MAP1B: variants seen among roughly 807,000 people sequenced by gnomAD.
MAP1B encodes the protein microtubule-associated protein 1B.
A neutral mutation model predicts 176.1 loss-of-function variants in MAP1B; 12 were observed. The observed-to-expected ratio is 0.07, with a 90% CI of 0.04 to 0.11. The LOEUF (loss-of-function observed/expected upper bound fraction) is 0.11, where lower values mean the gene tolerates loss of function less well. Ranked by LOEUF, MAP1B falls within the 10% of genes least tolerant of loss-of-function variation. The pLI is 1.00. For missense variants in MAP1B, 2,523 were observed against 2,990.5 expected, an observed-to-expected ratio of 0.84 and a Z score of 3.65; for synonymous variants, 1,044 against 1,135.0, an observed-to-expected ratio of 0.92 and a Z score of 1.61.
chr5:72,203,949 A>G (rs553335214), intron 6 of MAP1B, 148 bp downstream of exon 6: 7 of 661,308 alleles, frequency 1.1e-5, no homozygotes, highest in Non-Finnish European at 1.8e-5. Flanking sequence ...AAATATCCTG[A>G]GAACAAAGTC....
Position 72,196,420 on chromosome 5 carries a change from A to C in MAP1B, c.3065A>C (p.Glu1022Ala), listed in dbSNP as rs139433581. The C allele has an allele frequency of 1.9e-5, 30 of 1,613,540 alleles. No individual in the cohort carries two copies. In the African/African-American group the frequency reaches 3.9e-4, roughly 21 times the overall value. Residue 1022 changes from glutamate to alanine, a missense_variant, in exon 5 of 7, where the codon GAG becomes GCG. By Grantham distance (107) the Glu-to-Ala change is moderately radical (BLOSUM62 -1). Around this residue, in one of 4 missense-constraint regions of MAP1B, gnomAD observed 1,925 missense variants for 2,126.0 expected, o/e 0.91. Coordinates refer to ENST00000296755, the MANE Select transcript of MAP1B (RefSeq NM_005909.5). The surrounding 1 kb of genome is among the most constrained non-coding windows in gnomAD (Gnocchi z 5.3). ...GAACAATCTGAAGAGGAGGCTGATG[A>C]GGAGGACAAAGCTGAAGATGCCAGA... The part of the protein sequence containing the change: ...EAEQSEEEAD[E>A]EDKAEDAREE...
chr5:72,203,091 AC>A (rs761694843), intron 5 of MAP1B, among the ~76,000 whole-genome samples: 33 of 152,354 alleles, frequency 2.2e-4, no homozygotes, highest in Non-Finnish European at 4.0e-4. Context: ...CCAGCTGTGG[AC>A]AAAATTGCTA....
At chr5:72,121,223 T>C (rs1031522385) in intron 2 of MAP1B, among the ~76,000 whole-genome samples, 1 of 151,426 alleles carries the variant, frequency 6.6e-6, no homozygotes, top group African/African-American at 2.4e-5. Context: ...AACCCATCCA[T>C]GGTCACTCCC....
intron 2 of MAP1B, among the ~76,000 whole-genome samples, chr5:72,154,302 G>C (rs1746192234): frequency 6.6e-6 from 1 of 152,188 alleles, no homozygotes; most frequent in African/African-American, 2.4e-5. Flanking sequence ...ATGCCACACA[G>C]ACTGAGTGAC....
intron 2 of MAP1B, among the ~76,000 whole-genome samples, chr5:72,181,711 C>A (rs1459091766): frequency 1.4e-5 from 2 of 143,990 alleles, no homozygotes; most frequent in Non-Finnish European, 3.0e-5. Context: ...ATGTGTGCCA[C>A]CACACCCAGC....
intron 1 of MAP1B, among the ~76,000 whole-genome samples, chr5:72,114,285 A>T (rs12660006): frequency 0.15 from 23,483 of 152,192 alleles, 2,389 homozygotes; most frequent in Non-Finnish European, 0.22. Flanking sequence ...TGAATACAAT[A>T]TAACCAAGGG....
intron 1 of MAP1B, among the ~76,000 whole-genome samples, chr5:72,111,727 A>G (rs1322525571): frequency 4.6e-5 from 7 of 152,306 alleles, no homozygotes; most frequent in Middle Eastern, 3.4e-3. Context: ...GCAGTCCCCA[A>G]ATTTAAGGTC....
At chr5:72,171,117 G>A (rs1355329940) in intron 2 of MAP1B, among the ~76,000 whole-genome samples, 2 of 152,200 alleles carry the variant, frequency 1.3e-5, no homozygotes, top group Non-Finnish European at 2.9e-5. Flanking sequence ...AGGGGGAAAA[G>A]ACTGAAGTCT....
intron 2 of MAP1B, among the ~76,000 whole-genome samples, chr5:72,182,015 C>T (rs1434388507): frequency 2.7e-5 from 4 of 145,496 alleles, no homozygotes; most frequent in Non-Finnish European, 4.5e-5. Context: ...TGAGCCACCG[C>T]ACCTGGCCTT....
Position 72,197,426 on chromosome 5 carries a change from A to G in MAP1B, c.4071A>G (p.Pro1357=), listed in dbSNP as rs1747207782. 1 of 1,614,114 alleles carries G rather than the reference A, an allele frequency of 6.2e-7. No individual in the cohort carries two copies. Among genetic ancestry groups the G allele is most frequent in the Admixed American group, 1.7e-5 (1 of 60,010 alleles). The part of the protein sequence containing the change: ...HLPTEVIEKP[P]AVPVSFEFSD... ...CTACAGAAGTCATTGAAAAACCACC[A>G]GCAGTTCCAGTGAGTTTTGAATTCA... The change falls in exon 5 of 7, where the codon CCA becomes CCG. Residue 1357 remains proline, a synonymous_variant. Transcript: ENST00000296755.
At chr5:72,127,496 A>G (rs1745651280) in intron 2 of MAP1B, among the ~76,000 whole-genome samples, 1 of 152,116 alleles carries the variant, frequency 6.6e-6, no homozygotes, top group African/African-American at 2.4e-5. Context: ...GTGTTAATTC[A>G]CTCATTAAAA....
intron 5 of MAP1B, 39 bp downstream of exon 5, chr5:72,200,406 C>T: frequency 1.3e-6 from 2 of 1,589,804 alleles, no homozygotes; most frequent in Non-Finnish European, 1.7e-6. Context: ...TATGTCACAA[C>T]CATTCTACTT....
intron 2 of MAP1B, among the ~76,000 whole-genome samples, chr5:72,173,490 A>T (rs969773768): frequency 1.3e-5 from 2 of 152,200 alleles, no homozygotes; most frequent in Non-Finnish European, 2.9e-5. Context: ...AGATTTTTTT[A>T]AAAAGGTGTC....
chr5:72,125,984 A>G (rs907879606), intron 2 of MAP1B, among the ~76,000 whole-genome samples: 8 of 152,216 alleles, frequency 5.3e-5, no homozygotes, highest in African/African-American at 1.9e-4. Context: ...AAAATTGTCC[A>G]TTGGCAGACT....
At chr5:72,113,613 A>G (rs565703575) in intron 1 of MAP1B, among the ~76,000 whole-genome samples, 1 of 152,226 alleles carries the variant, frequency 6.6e-6, no homozygotes, top group Non-Finnish European at 1.5e-5. Context: ...ATAATGTACC[A>G]ATTTAGACAT....
chr5:72,163,930 C>CTT (rs869167918), intron 2 of MAP1B, among the ~76,000 whole-genome samples: 905 of 43,608 alleles, frequency 0.021, 35 homozygotes, highest in African/African-American at 0.039. Flanking sequence ...TTTTTTTTTT[C>CTT]TTTTTTTTTT....
At chr5:72,122,330 G>T (rs1346020871) in intron 2 of MAP1B, among the ~76,000 whole-genome samples, 1 of 152,028 alleles carries the variant, frequency 6.6e-6, no homozygotes, top group African/African-American at 2.4e-5. Flanking sequence ...GCAGCAGACA[G>T]CCCAGTCACC....
intron 2 of MAP1B, among the ~76,000 whole-genome samples, chr5:72,123,493 G>GT (rs995521952): frequency 6.8e-6 from 1 of 147,962 alleles, no homozygotes; most frequent in Admixed American, 6.7e-5. Flanking sequence ...TTTTTTTTTA[G>GT]TTTTTTTTGA....
At chr5:72,139,523 A>G (rs1042893560) in intron 2 of MAP1B, among the ~76,000 whole-genome samples, 3 of 152,306 alleles carry the variant, frequency 2.0e-5, no homozygotes, top group South Asian at 2.1e-4. Flanking sequence ...TGTCTGGCCA[A>G]TGCTGAAGCA....
Sources: allele counts gnomAD v4.1 joint callset (sites outside exome capture counted in the v4.1 genomes callset), GRCh38; gene constraint gnomAD v4.1.1; regional missense constraint gnomAD v4.1.1; non-coding constraint Gnocchi (gnomAD v3.1); transcripts MANE v1.5; gene names NCBI Gene and HGNC (gene_info 2026-07-23, HGNC 2026-07-21).